Variants in ANKIB1 observed in about 807,000 individuals in gnomAD.
The protein encoded by ANKIB1 is ankyrin repeat and IBR domain containing 1.
ANKIB1 carries 43 observed loss-of-function variants against 122.1 expected under a neutral mutation model. The observed-to-expected ratio is 0.35, with a 90% CI of 0.28 to 0.45. The LOEUF is 0.45. Ranked by LOEUF, ANKIB1 falls within the 20% of genes least tolerant of loss-of-function variation. The pLI, the probability that ANKIB1 is intolerant of heterozygous loss-of-function variation, is 1.00. For synonymous variants in ANKIB1, 390 were observed against 442.0 expected (o/e 0.88, Z 1.48); for missense variants, 992 against 1,329.5 (o/e 0.75, Z 3.95).
intron 1 of ANKIB1, among the ~76,000 whole-genome samples, chr7:92,277,389 T>C (rs1485884115): frequency 6.6e-6 from 1 of 152,206 alleles, no homozygotes; most frequent in East Asian, 1.9e-4. Context: ...AAATGCATTT[T>C]TGACTTGTGG....
In ANKIB1 at chr7:92,343,026, T is replaced by TG; in HGVS notation, c.793dup (p.Asp265GlyfsTer7). 1 of 1,613,856 alleles carries TG rather than the reference T, an allele frequency of 6.2e-7. No individual in the cohort carries two copies. Among genetic ancestry groups the TG allele is most frequent in the Non-Finnish European group, 8.5e-7 (1 of 1,179,770 alleles). ...TATCCATTCCATTTTTCTTTAAGAC[T>TG]GGGACAGGGAGAAATTACTTGAAGC... On this transcript the variant is annotated frameshift_variant, in exon 6 of 20. Coordinates refer to ENST00000265742, the MANE Select transcript of ANKIB1 (RefSeq NM_019004.2). LOFTEE classifies it high-confidence loss of function.
At chr7:92,260,652 C>T (rs1052511937) in intron 1 of ANKIB1, among the ~76,000 whole-genome samples, 1 of 150,840 alleles carries the variant, frequency 6.6e-6, no homozygotes, top group Non-Finnish European at 1.5e-5. Flanking sequence ...CACTTTACTC[C>T]AGCATGAGTC....
chr7:92,286,760 G>A (rs1415268311), intron 1 of ANKIB1, among the ~76,000 whole-genome samples: 6 of 152,174 alleles, frequency 3.9e-5, no homozygotes, highest in Non-Finnish European at 5.9e-5. Flanking sequence ...ACAGGCGTGA[G>A]CCACCACGCC....
chr7:92,398,076 T>C, intron 19 of ANKIB1, 136 bp from the exon 20 acceptor site: 1 of 1,107,274 alleles, frequency 9.0e-7, no homozygotes, highest in Non-Finnish European at 1.2e-6. Context: ...AAATACAAGA[T>C]TTTAGTAGAT....
chr7:92,341,154 A>G (rs1437894645), intron 5 of ANKIB1, among the ~76,000 whole-genome samples: 57 of 151,940 alleles, frequency 3.8e-4, no homozygotes, highest in Admixed American at 3.7e-3. Flanking sequence ...AAAAATATGT[A>G]TAAAACTTAG....
chr7:92,315,024 A>T (rs1347387432), intron 3 of ANKIB1, among the ~76,000 whole-genome samples: 1 of 152,198 alleles, frequency 6.6e-6, no homozygotes, highest in Non-Finnish European at 1.5e-5. Context: ...AAGGTTAAAA[A>T]AAAAAAGGAT....
chr7:92,327,140 T>C (rs1228181741), intron 4 of ANKIB1, among the ~76,000 whole-genome samples: 2 of 152,244 alleles, frequency 1.3e-5, no homozygotes, highest in African/African-American at 2.4e-5. Flanking sequence ...CTAATACTTT[T>C]TGTATAATCC....
chr7:92,387,018 C>A (rs1174286870), intron 12 of ANKIB1, among the ~76,000 whole-genome samples: 2 of 152,094 alleles, frequency 1.3e-5, no homozygotes, highest in Non-Finnish European at 2.9e-5. Flanking sequence ...ATTTATTTTT[C>A]ACAGTTGTAG....
intron 1 of ANKIB1, among the ~76,000 whole-genome samples, chr7:92,262,896 A>G (rs1801593811): frequency 6.6e-6 from 1 of 152,170 alleles, no homozygotes; most frequent in Admixed American, 6.5e-5. Context: ...TGTATTTTAC[A>G]CATTTTGTCA....
At chr7:92,363,869 T>C (rs1447272956) in intron 10 of ANKIB1, among the ~76,000 whole-genome samples, 1 of 152,220 alleles carries the variant, frequency 6.6e-6, no homozygotes, top group African/African-American at 2.4e-5. Context: ...ATGCCACTTA[T>C]TAGTTGATAA....
At chr7:92,367,878 A>T (rs917335898) in intron 10 of ANKIB1, among the ~76,000 whole-genome samples, 1 of 152,204 alleles carries the variant, frequency 6.6e-6, no homozygotes, top group African/African-American at 2.4e-5. Context: ...GTCTTTGACT[A>T]GGTGCAGTGG....
chr7:92,277,753 C>G (rs575128756), intron 1 of ANKIB1, among the ~76,000 whole-genome samples: 1 of 151,932 alleles, frequency 6.6e-6, no homozygotes, highest in Admixed American at 6.6e-5. Flanking sequence ...TCAAGACCAG[C>G]CTGGGCAACA....
intron 2 of ANKIB1, among the ~76,000 whole-genome samples, chr7:92,298,158 A>G (rs1255840467): frequency 6.6e-6 from 1 of 152,076 alleles, no homozygotes; most frequent in Non-Finnish European, 1.5e-5. Flanking sequence ...AATATTATAA[A>G]TACAGTGCTA....
intron 1 of ANKIB1, among the ~76,000 whole-genome samples, chr7:92,252,918 GT>G (rs968564396): frequency 4.0e-5 from 6 of 149,330 alleles, no homozygotes; most frequent in African/African-American, 1.2e-4. Flanking sequence ...TTTGTGGGTT[GT>G]TTTTTTTTGT....
At position 92,398,705 on chromosome 7, in the gene ANKIB1, A is replaced by G. The variant is rs1293432535; in HGVS notation, c.3026A>G (p.Glu1009Gly). 2 of 1,613,762 alleles carry G rather than the reference A, an allele frequency of 1.2e-6. No homozygotes were observed. The highest frequency in any genetic ancestry group is 1.7e-6 in the Non-Finnish European group (2 of 1,179,774). The change falls in exon 20 of 20, where the codon GAA becomes GGA. Residue 1009 changes from glutamate (E) to glycine (G), a missense_variant. Glu to Gly is a moderately conservative substitution (Grantham distance 98). This residue lies in a region of ANKIB1 where 384 missense variants were observed against 412.0 expected (regional missense o/e 0.93). Coordinates refer to ENST00000265742, the MANE Select transcript of ANKIB1 (RefSeq NM_019004.2). The part of the protein sequence containing the change: ...SQLPCIKDGS[E>G]GVKDVELVLP... The stretch of plus-strand genomic sequence containing the variant: ...CTCCCCTGTATCAAAGATGGGTCAG[A>G]AGGTGTGAAGGATGTGGAACTGGTG...
At chr7:92,304,327 G>T (rs1223166320) in intron 2 of ANKIB1, among the ~76,000 whole-genome samples, 1 of 152,104 alleles carries the variant, frequency 6.6e-6, no homozygotes, top group African/African-American at 2.4e-5. Context: ...GTATAAAGAA[G>T]TTATTTTAAT....
chr7:92,273,453 A>C (rs1433038140), intron 1 of ANKIB1, among the ~76,000 whole-genome samples: 1 of 152,226 alleles, frequency 6.6e-6, no homozygotes, highest in Non-Finnish European at 1.5e-5. Context: ...GTTTCATTTT[A>C]TGATCCAGAA....
At position 92,398,851 on chromosome 7, in the gene ANKIB1, A is replaced by T. The variant is rs769507956; in HGVS notation, c.3172A>T (p.Ser1058Cys). The change falls in exon 20 of 20, where the codon AGT becomes TGT. Residue 1058 changes from serine to cysteine, a missense_variant. Around this residue, in one of 4 missense-constraint regions of ANKIB1, gnomAD observed 384 missense variants for 412.0 expected, o/e 0.93. Coordinates refer to ENST00000265742, the MANE Select transcript of ANKIB1 (RefSeq NM_019004.2). ...GGAAGCAGCATCTCAAGCTGGTGAC[A>T]GTGGTAACGAGGCAGCCAACAGAGG... is the stretch of plus-strand genomic sequence containing the variant. Reference protein sequence around the residue: ...AGEAASQAGDSGNEAANRGDG... With the variant: ...AGEAASQAGDCGNEAANRGDG... 1.9e-6 allele frequency: 3 copies of T among 1,604,654 alleles called. No individual in the cohort carries two copies. The highest frequency in any genetic ancestry group is 2.6e-6 in the Non-Finnish European group (3 of 1,175,420).
chr7:92,265,820 T>G (rs1270433123), intron 1 of ANKIB1, among the ~76,000 whole-genome samples: 1 of 152,120 alleles, frequency 6.6e-6, no homozygotes, highest in Non-Finnish European at 1.5e-5. Flanking sequence ...AATAGGTTGG[T>G]GGAAAGGATC....
Sources: gnomAD v4.1 joint callset for allele counts (sites outside exome capture counted in the v4.1 genomes callset) on GRCh38, gnomAD v4.1.1 for gene constraint, gnomAD v4.1.1 regional missense constraint, MANE v1.5 for transcripts, NCBI Gene and HGNC (gene_info 2026-07-23, HGNC 2026-07-21) for gene names.